RAPGEF5: variants seen among roughly 807,000 people sequenced by gnomAD.
The protein encoded by RAPGEF5 is M-Ras-regulated GEF.
Under a neutral mutation model 125.2 loss-of-function variants are expected in RAPGEF5, and 65 were observed. The observed-to-expected ratio is 0.52, with a 90% confidence interval of 0.43 to 0.64. RAPGEF5 has a LOEUF of 0.64. Ranked by LOEUF, RAPGEF5 falls within the 30% of genes least tolerant of loss-of-function variation. The pLI is 0.00. For synonymous variants in RAPGEF5, 391 were observed against 385.9 expected (o/e 1.01, Z -0.16); for missense variants, 958 against 1,048.1 (o/e 0.91, Z 1.19).
chr7:22,353,523 T>C (rs1045459268), intron 1 of RAPGEF5, among the ~76,000 whole-genome samples: 2 of 152,130 alleles, frequency 1.3e-5, no homozygotes, highest in African/African-American at 4.8e-5. Flanking sequence ...CAAAAGTGTA[T>C]GGAGGGGGAA....
At chr7:22,280,679 T>C (rs1333934590) in intron 6 of RAPGEF5, among the ~76,000 whole-genome samples, 1 of 152,226 alleles carries the variant, frequency 6.6e-6, no homozygotes, top group Non-Finnish European at 1.5e-5. Flanking sequence ...ATCATATGTA[T>C]ATACTTGGTT....
At position 22,315,480 on chromosome 7, in the gene RAPGEF5, A is replaced by G; in HGVS notation, c.283-4T>C. On this transcript the variant is annotated splice_region_variant and splice_polypyrimidine_tract_variant and intron_variant, in intron 2 of 25. Coordinates refer to ENST00000665637, the MANE Select transcript of RAPGEF5 (RefSeq NM_012294.5). ...AAGAAGAATTCTCTCCATAAATCTAAATGGAAAAGACAGTCACTGTAAATA... is the reference window on the plus strand; with the variant it reads ...AAGAAGAATTCTCTCCATAAATCTAGATGGAAAAGACAGTCACTGTAAATA... The G allele has an allele frequency of 3.4e-6, 5 of 1,470,660 alleles. No homozygotes were observed. Among genetic ancestry groups the G allele is most frequent in the Non-Finnish European group, 1.8e-6 (2 of 1,112,926 alleles). The allele number at this position is 1,470,660 out of a possible 1,614,324, so 91.1% of individuals were successfully genotyped here.
chr7:22,135,115 G>A (rs1228720923), intron 23 of RAPGEF5, among the ~76,000 whole-genome samples: 1 of 152,204 alleles, frequency 6.6e-6, no homozygotes, highest in Admixed American at 6.5e-5. Flanking sequence ...GGGAGGAAGT[G>A]GGGAATGAGG....
At chr7:22,187,646 C>T (rs1185421654) in intron 11 of RAPGEF5, among the ~76,000 whole-genome samples, 2 of 152,154 alleles carry the variant, frequency 1.3e-5, no homozygotes, top group African/African-American at 4.8e-5. Context: ...TCCAAAACCA[C>T]TTTAATGGAA....
rs944808385 is a variant in RAPGEF5 at position 22,315,405 on chromosome 7, C to G, written c.354G>C (p.Leu118=). The change falls in exon 3 of 26, where the codon CTG becomes CTC. Residue 118 remains leucine, a synonymous_variant. Coordinates refer to ENST00000665637, the MANE Select transcript of RAPGEF5 (RefSeq NM_012294.5). ...RNIIIVQAAD[L]IKDRVNLKGF... ...CCTTGAGGTTCACTCTGTCCTTTATCAGGTCAGCTGCTTGAACGATAATAA... is the reference window on the plus strand; with the variant it reads ...CCTTGAGGTTCACTCTGTCCTTTATGAGGTCAGCTGCTTGAACGATAATAA... 3 of 1,540,580 alleles carry G rather than the reference C, an allele frequency of 1.9e-6. No individual in the cohort carries two copies. In the African/African-American group the frequency reaches 4.2e-5, roughly 21 times the overall value.
intron 10 of RAPGEF5, chr7:22,193,705 T>A: frequency 6.4e-7 from 1 of 1,551,966 alleles, no homozygotes; most frequent in East Asian, 2.4e-5. Flanking sequence ...TGCTAAAAGA[T>A]CTTGCCATCC....
chr7:22,288,152 C>T (rs1782841254), intron 6 of RAPGEF5, among the ~76,000 whole-genome samples: 1 of 152,108 alleles, frequency 6.6e-6, no homozygotes, highest in East Asian at 1.9e-4. Flanking sequence ...TTGAATGTGA[C>T]CTTCATGGTA....
intron 21 of RAPGEF5, among the ~76,000 whole-genome samples, chr7:22,138,019 ACACACACACACACACGCACGCACG>A (rs1783132017): frequency 6.6e-6 from 1 of 151,522 alleles, no homozygotes; most frequent in Non-Finnish European, 1.5e-5. Context: ...ACACACACAC[ACACACACACACACACGCACGCACG>A]CACACACACA....
intron 8 of RAPGEF5, among the ~76,000 whole-genome samples, chr7:22,223,700 A>T (rs1785846859): frequency 6.6e-6 from 1 of 152,200 alleles, no homozygotes; most frequent in Admixed American, 6.5e-5. Flanking sequence ...CCAGTGAAAC[A>T]GGAGAGACAG....
chr7:22,220,191 G>T, intron 8 of RAPGEF5, 200 bp from the exon 9 acceptor site: 1 of 607,092 alleles, frequency 1.6e-6, no homozygotes, highest in Non-Finnish European at 2.8e-6. Flanking sequence ...ACTTAAAGTT[G>T]AGTCTGCGTA....
In RAPGEF5 at chr7:22,150,435, A is replaced by G; in HGVS notation, c.1856T>C (p.Val619Ala). The change falls in exon 18 of 26, where the codon GTC (valine) becomes GCC (alanine). Residue 619 changes from valine (V) to alanine (A), a missense_variant. Physicochemically the swap from Val to Ala is moderately conservative, Grantham distance 64 (BLOSUM62 0). Transcript: ENST00000665637. ...KSLEASGRIY[V>A]YRKDLADTLN... ...AGTGTCCGCCAGGTCTTTCCGGTAG[A>G]CATATATTCGACCAGATGCCTCGAG... The G allele has an allele frequency of 6.2e-7, 1 of 1,611,514 alleles. No homozygotes were observed. Among genetic ancestry groups the G allele is most frequent in the Non-Finnish European group, 8.5e-7 (1 of 1,178,906 alleles).
At chr7:22,264,292 A>C (rs1263299125) in intron 7 of RAPGEF5, among the ~76,000 whole-genome samples, 2 of 152,178 alleles carry the variant, frequency 1.3e-5, no homozygotes, top group Non-Finnish European at 2.9e-5. Context: ...AAAAACTATG[A>C]ATTTATGTCC....
chr7:22,228,584 T>G (rs887683165), intron 8 of RAPGEF5, among the ~76,000 whole-genome samples: 13 of 152,046 alleles, frequency 8.6e-5, no homozygotes, highest in Non-Finnish European at 1.5e-4. Context: ...TTTGGCTCAC[T>G]GAAACCTCCG....
intron 1 of RAPGEF5, among the ~76,000 whole-genome samples, chr7:22,341,478 A>G (rs1231450690): frequency 6.6e-6 from 1 of 152,120 alleles, no homozygotes; most frequent in African/African-American, 2.4e-5. Flanking sequence ...CAGTCCCCCA[A>G]AACATTAGCT....
chr7:22,340,673 C>CT (rs1475295935), intron 1 of RAPGEF5, among the ~76,000 whole-genome samples: 25 of 152,332 alleles, frequency 1.6e-4, no homozygotes, highest in Non-Finnish European at 3.5e-4. Flanking sequence ...TGTTCCCTGA[C>CT]CAGGGCTTGG....
chr7:22,252,215 T>A lies in RAPGEF5; in HGVS notation c.796+14749A>T, dbSNP rs76067632. Reference sequence around the variant, plus strand: ...AAGTAGGACTCTGAAGAGCTTAAAATCATTGTCCTGGACCACACAAGACCA... The same window carrying A: ...AAGTAGGACTCTGAAGAGCTTAAAAACATTGTCCTGGACCACACAAGACCA... On this transcript the variant is annotated intron_variant, in intron 7 of 25. Coordinates refer to ENST00000665637, the MANE Select transcript of RAPGEF5 (RefSeq NM_012294.5). 2.7e-4 allele frequency among the ~76,000 whole-genome samples: 41 copies of A among 152,322 alleles called. 2 individuals carry two copies. The East Asian group carries it at 7.9e-3, about 29-fold the overall frequency.
intron 3 of RAPGEF5, 44 bp downstream of exon 3, chr7:22,315,326 T>C (rs1424641776): frequency 6.6e-6 from 10 of 1,524,014 alleles, no homozygotes; most frequent in Non-Finnish European, 8.8e-6. Context: ...TGGTTTTTTT[T>C]CCTCAAAGAG....
At chr7:22,259,045 T>A (rs1782080961) in intron 7 of RAPGEF5, among the ~76,000 whole-genome samples, 1 of 152,146 alleles carries the variant, frequency 6.6e-6, no homozygotes, top group Admixed American at 6.6e-5. Context: ...CATTTCTGTT[T>A]TGCAAAGACA....
intron 1 of RAPGEF5, among the ~76,000 whole-genome samples, chr7:22,339,309 T>G (rs916565464): frequency 6.6e-6 from 1 of 152,214 alleles, no homozygotes; most frequent in Admixed American, 6.5e-5. Flanking sequence ...TGCCTCTCAG[T>G]TGAATTCTTT....
Sources: gnomAD v4.1 joint callset for allele counts (sites outside exome capture counted in the v4.1 genomes callset) on GRCh38, gnomAD v4.1.1 for gene constraint, MANE v1.5 for transcripts, NCBI Gene and HGNC (gene_info 2026-07-23, HGNC 2026-07-21) for gene names.